The following SEC14L1 variants were observed in gnomAD, a reference collection of about 807,000 sequenced individuals.
SEC14L1 encodes the protein SEC14 like lipid binding 1, also known as SEC14-like protein 1.
Under a neutral mutation model 85.3 loss-of-function variants are expected in SEC14L1, and 48 were observed. The ratio of observed to expected loss-of-function variants is 0.56; its 90% confidence interval spans 0.45 to 0.72. SEC14L1 has a LOEUF of 0.72. Among genes scored for constraint, SEC14L1 ranks in the 30% least tolerant of loss-of-function variants. The pLI is 0.00. For missense variants in SEC14L1, 682 were observed against 921.4 expected (o/e 0.74, Z 3.36); for synonymous variants, 391 against 355.5 (o/e 1.10, Z -1.12).
chr17:77,136,245 TCTTTC>T (rs1329766660), upstream of SEC14L1, among the ~76,000 whole-genome samples: 5 of 151,028 alleles, frequency 3.3e-5, no homozygotes, highest in Admixed American at 2.0e-4. Flanking sequence ...CCTTCCTTCC[TCTTTC>T]CTTTCTTTCT....
At chr17:77,140,361 C>A (rs548673662), upstream of SEC14L1, among the ~76,000 whole-genome samples, 3 of 152,228 alleles carry the variant, frequency 2.0e-5, no homozygotes, top group Admixed American at 6.5e-5. Context: ...CTCACCCGGG[C>A]CCTCCCGAGC....
intron 14 of SEC14L1, chr17:77,211,179 C>G (rs897554470): frequency 5.9e-5 from 9 of 152,326 alleles, no homozygotes; most frequent in African/African-American, 1.4e-4. Context: ...CAGCCACGCG[C>G]TGAAGGGCAC....
chr17:77,178,154 G>A (rs1007390005), intron 3 of SEC14L1, among the ~76,000 whole-genome samples: 4 of 144,110 alleles, frequency 2.8e-5, no homozygotes, highest in African/African-American at 7.6e-5. Context: ...ATCTTAAAGC[G>A]GATGGAGCTG....
intron 13 of SEC14L1, among the ~76,000 whole-genome samples, 162 bp from the exon 14 acceptor site, chr17:77,209,180 T>C (rs900901927): frequency 6.6e-6 from 1 of 152,208 alleles, no homozygotes; most frequent in African/African-American, 2.4e-5. Flanking sequence ...TAAAAACATA[T>C]TGCTCAGTAG....
chr17:77,174,001 A>T (rs917252446), intron 3 of SEC14L1, among the ~76,000 whole-genome samples: 3 of 151,956 alleles, frequency 2.0e-5, no homozygotes, highest in African/African-American at 7.3e-5. Flanking sequence ...CCTGGGTTCA[A>T]GCGATTCTTC....
chr17:77,115,080 C>T (rs947892722), intron 3 of SEC14L1, among the ~76,000 whole-genome samples: 1 of 152,128 alleles, frequency 6.6e-6, no homozygotes, highest in Non-Finnish European at 1.5e-5. Flanking sequence ...GAAATGCAAA[C>T]GTGGGTGTTT....
At chr17:77,162,179 C>G (rs7215984) in intron 3 of SEC14L1, among the ~76,000 whole-genome samples, 97,276 of 151,938 alleles carry the variant, frequency 0.64, 31,329 homozygotes, top group Middle Eastern at 0.74. Flanking sequence ...GGGACCGGCT[C>G]TCTGAGGCCA....
chr17:77,098,103 C>G (rs940779519), intron 3 of SEC14L1, among the ~76,000 whole-genome samples: 1 of 152,176 alleles, frequency 6.6e-6, no homozygotes, highest in Non-Finnish European at 1.5e-5. Context: ...AAGTGTGGGA[C>G]TTCTGCCTTT....
Position 77,214,300 on chromosome 17 carries a change from C to G in SEC14L1, c.*277C>G, listed in dbSNP as rs563109486. 485 of 1,213,156 alleles carry G rather than the reference C, an allele frequency of 4.0e-4. No homozygotes were observed. The highest frequency in any genetic ancestry group is 4.9e-4 in the Non-Finnish European group (480 of 971,058). 75.1% of individuals were successfully genotyped at this position (1,213,156 alleles called of 1,614,324 possible). ...GGCTCTCTTGAAAGAAAAGTAGTTT[C>G]TGTACCAATTAAAGGATTGACGTGG... On this transcript the variant is annotated 3_prime_UTR_variant, in exon 17 of 17. Transcript: ENST00000436233.
intron 3 of SEC14L1, chr17:77,094,863 C>T (rs1360287131): frequency 6.6e-6 from 1 of 152,138 alleles, no homozygotes; most frequent in East Asian, 1.9e-4. Flanking sequence ...CCTCTGCATG[C>T]TTGTCTTTAG....
intron 3 of SEC14L1, among the ~76,000 whole-genome samples, chr17:77,100,398 T>C (rs944653526): frequency 4.8e-5 from 7 of 147,278 alleles, no homozygotes; most frequent in African/African-American, 1.2e-4. Flanking sequence ...TTTTTCTTTT[T>C]TTTTTTTTCT....
At chr17:77,114,161 GCCA>G (rs1164217973) in intron 3 of SEC14L1, among the ~76,000 whole-genome samples, 1 of 151,964 alleles carries the variant, frequency 6.6e-6, no homozygotes, top group Non-Finnish European at 1.5e-5. Flanking sequence ...CCTTTGTTTG[GCCA>G]CCTGGATATC....
intron 11 of SEC14L1, among the ~76,000 whole-genome samples, chr17:77,205,711 T>C (rs1976429557): frequency 6.6e-6 from 1 of 152,134 alleles, no homozygotes; most frequent in Non-Finnish European, 1.5e-5. Flanking sequence ...GATTCAGAGG[T>C]TGACATTGAT....
intron 3 of SEC14L1, among the ~76,000 whole-genome samples, chr17:77,127,656 T>G (rs964559717): frequency 2.6e-5 from 4 of 151,242 alleles, no homozygotes; most frequent in Non-Finnish European, 4.4e-5. Flanking sequence ...GGCCAAGGGG[T>G]TTTTTTTCTA....
intron 3 of SEC14L1, among the ~76,000 whole-genome samples, chr17:77,163,115 C>T (rs550593338): frequency 2.0e-4 from 30 of 152,236 alleles, no homozygotes; most frequent in East Asian, 5.8e-4. Flanking sequence ...TAGCTCCTGC[C>T]GCTGTGCTTG....
upstream of SEC14L1, among the ~76,000 whole-genome samples, chr17:77,136,428 T>C (rs1301862740): frequency 2.0e-5 from 3 of 151,966 alleles, no homozygotes; most frequent in African/African-American, 7.3e-5. Context: ...CCACTACATT[T>C]TAATAGTTTG....
chr17:77,193,619 G>T, intron 6 of SEC14L1, 70 bp downstream of exon 6: 1 of 1,479,736 alleles, frequency 6.8e-7, no homozygotes, highest in Non-Finnish European at 9.3e-7. Context: ...TTTTTGGAAG[G>T]CTGGGGATGG....
chr17:77,169,230 T>C (rs978021501), intron 3 of SEC14L1, among the ~76,000 whole-genome samples: 2 of 152,134 alleles, frequency 1.3e-5, no homozygotes, highest in Non-Finnish European at 2.9e-5. Context: ...GACTACACCC[T>C]GTTAGGTCTC....
At chr17:77,154,855 CTGCGT>C (rs1973737370) in intron 3 of SEC14L1, among the ~76,000 whole-genome samples, 1 of 152,108 alleles carries the variant, frequency 6.6e-6, no homozygotes, top group Non-Finnish European at 1.5e-5. Flanking sequence ...CAGTAGATGG[CTGCGT>C]CCTTACTTCT....
Sources: allele counts gnomAD v4.1 joint callset (sites outside exome capture counted in the v4.1 genomes callset), GRCh38; gene constraint gnomAD v4.1.1; transcripts MANE v1.5; gene names NCBI Gene and HGNC (gene_info 2026-07-23, HGNC 2026-07-21).